SCN8A: variants seen among roughly 807,000 people sequenced by gnomAD.
SCN8A encodes sodium voltage-gated channel alpha subunit 8.
Under a neutral mutation model 184.1 loss-of-function variants are expected in SCN8A, and 30 were observed. The observed-to-expected ratio is 0.16, with a 90% CI of 0.12 to 0.22. The LOEUF is 0.22. SCN8A is among the 10% of genes least tolerant of loss of function. The probability of loss-of-function intolerance (pLI) is 1.00; values close to 1 mark genes in which losing one functional copy is unlikely to be tolerated. For missense variants in SCN8A, 1,057 were observed against 2,498.9 expected (o/e 0.42, Z 12.30); for synonymous variants, 852 against 907.0 (o/e 0.94, Z 1.09).
chr12:51,783,905 C>T (rs1221376692), intron 21 of SCN8A, among the ~76,000 whole-genome samples: 3 of 152,086 alleles, frequency 2.0e-5, no homozygotes, highest in Non-Finnish European at 4.4e-5. Context: ...TATAAACTTC[C>T]ATTGATAAAA....
intron 15 of SCN8A, 46 bp downstream of exon 15, chr12:51,762,722 G>C (rs1414993248): frequency 1.3e-6 from 2 of 1,484,688 alleles, no homozygotes; most frequent in Non-Finnish European, 1.8e-6. Flanking sequence ...CTATCTTGCA[G>C]CTACTAGAAA....
chr12:51,787,287 T>G (rs1268001908), intron 22 of SCN8A, among the ~76,000 whole-genome samples: 1 of 152,154 alleles, frequency 6.6e-6, no homozygotes, highest in Non-Finnish European at 1.5e-5. Flanking sequence ...TCACCTCAGC[T>G]CCACCCCAGA....
intron 14 of SCN8A, among the ~76,000 whole-genome samples, chr12:51,758,854 T>G (rs776822618): frequency 6.6e-6 from 1 of 152,190 alleles, no homozygotes; most frequent in Non-Finnish European, 1.5e-5. Context: ...CACACAGATA[T>G]GTACAGTAGT....
chr12:51,638,739 C>T (rs995617744), intron 1 of SCN8A, among the ~76,000 whole-genome samples: 3 of 152,150 alleles, frequency 2.0e-5, no homozygotes, highest in Non-Finnish European at 4.4e-5. Flanking sequence ...CCCTCCTCAG[C>T]CTCCCAAAGT....
intron 1 of SCN8A, among the ~76,000 whole-genome samples, chr12:51,627,483 G>C (rs925298536): frequency 6.6e-6 from 1 of 152,166 alleles, no homozygotes; most frequent in Non-Finnish European, 1.5e-5. Context: ...CCAGGTTCAA[G>C]GGATTCTCCT....
intron 1 of SCN8A, among the ~76,000 whole-genome samples, chr12:51,636,510 C>T (rs1940321599): frequency 6.6e-6 from 1 of 152,124 alleles, no homozygotes; most frequent in South Asian, 2.1e-4. Context: ...TTGCAGAGAT[C>T]CTAAACTATG....
intron 20 of SCN8A, among the ~76,000 whole-genome samples, chr12:51,777,086 G>A (rs1197113958): frequency 2.6e-5 from 4 of 152,204 alleles, no homozygotes; most frequent in Non-Finnish European, 5.9e-5. Flanking sequence ...AGATCAGCAA[G>A]CCTGTCAGTT....
intron 6 of SCN8A, among the ~76,000 whole-genome samples, chr12:51,697,507 C>G (rs952764083): frequency 6.6e-6 from 1 of 152,152 alleles, no homozygotes; most frequent in African/African-American, 2.4e-5. Context: ...TGATTACTTG[C>G]AAAATACAGC....
intron 14 of SCN8A, among the ~76,000 whole-genome samples, chr12:51,761,946 CAGAA>C (rs751654529): frequency 3.3e-5 from 5 of 150,436 alleles, no homozygotes; most frequent in Non-Finnish European, 7.4e-5. Flanking sequence ...AAAAAAAAAA[CAGAA>C]AGAAAATACA....
chr12:51,623,869 G>T (rs1178413635), intron 1 of SCN8A, among the ~76,000 whole-genome samples: 2 of 152,046 alleles, frequency 1.3e-5, no homozygotes, highest in Non-Finnish European at 2.9e-5. Context: ...GCGGTGTTTG[G>T]TTTTTTGTCC....
Position 51,668,098 on chromosome 12 carries a change from G to A in SCN8A, c.276+5005G>A, listed in dbSNP as rs554357225. ...CTCAGGAGGCTGAGGCAGGAGAATCGCTTGAACCCGGGAGGTGGAGGTTGT... is the reference window on the plus strand; with the variant it reads ...CTCAGGAGGCTGAGGCAGGAGAATCACTTGAACCCGGGAGGTGGAGGTTGT... On this transcript the variant is annotated intron_variant, in intron 2 of 26. Coordinates refer to ENST00000627620, the MANE Select transcript of SCN8A (RefSeq NM_001330260.2). Among the ~76,000 whole-genome samples the A allele has an allele frequency of 8.6e-5, 13 of 151,530 alleles. No individual in the cohort carries two copies. In the South Asian group the frequency reaches 1.9e-3, roughly 22 times the overall value.
In SCN8A at chr12:51,610,598, ATT is replaced by A. The variant is rs1197555946; in HGVS notation, c.-55+19240_-55+19241del. ...TGTACTGGTGGCTTGGTAGTGGCAA[ATT>A]CTCTCAGCATTTGTTTGTCTGAAAA... On this transcript the variant is annotated intron_variant, in intron 1 of 26. Transcript: ENST00000627620. Among the ~76,000 whole-genome samples, 3 of 152,134 alleles carry A rather than the reference ATT, an allele frequency of 2.0e-5. No individual in the cohort carries two copies. The East Asian group carries it at 5.8e-4, about 29-fold the overall frequency.
chr12:51,632,621 G>A (rs1032566021), intron 1 of SCN8A, among the ~76,000 whole-genome samples: 2 of 152,118 alleles, frequency 1.3e-5, no homozygotes, highest in African/African-American at 4.8e-5. Flanking sequence ...GAACCACACT[G>A]TAGTGGTATC....
intron 1 of SCN8A, among the ~76,000 whole-genome samples, chr12:51,625,194 C>T (rs549434126): frequency 1.3e-5 from 2 of 152,310 alleles, no homozygotes; most frequent in South Asian, 4.1e-4. Context: ...TAGTCAAACA[C>T]CTTCCACTGC....
intron 1 of SCN8A, among the ~76,000 whole-genome samples, chr12:51,601,798 C>T (rs1939470041): frequency 6.6e-6 from 1 of 151,742 alleles, no homozygotes; most frequent in African/African-American, 2.4e-5. Context: ...CTTACATGCC[C>T]CACTTGGGCT....
At chr12:51,711,737 G>A (rs1941881108) in intron 11 of SCN8A, among the ~76,000 whole-genome samples, 1 of 136,316 alleles carries the variant, frequency 7.3e-6, no homozygotes, top group African/African-American at 2.7e-5. Flanking sequence ...TAGAAATTTT[G>A]AGATTTTTTT....
At chr12:51,596,528 T>G (rs2138548835) in intron 1 of SCN8A, among the ~76,000 whole-genome samples, 1 of 152,286 alleles carries the variant, frequency 6.6e-6, no homozygotes, top group South Asian at 2.1e-4. Context: ...TGTGAACAAT[T>G]TTGGTTTTAT....
intron 12 of SCN8A, among the ~76,000 whole-genome samples, chr12:51,743,314 A>G (rs1160621692): frequency 6.6e-6 from 1 of 152,080 alleles, no homozygotes; most frequent in Admixed American, 6.5e-5. Flanking sequence ...GGTATTTTTT[A>G]TAGTCTTCGC....
At position 51,807,591 on chromosome 12, in the gene SCN8A, G is replaced by A; in HGVS notation, c.*162G>A. 1.3e-6 allele frequency: 1 copy of A among 762,126 alleles called. No homozygotes were observed. Among genetic ancestry groups the A allele is most frequent in the Non-Finnish European group, 2.1e-6 (1 of 469,650 alleles). The allele number at this position is 762,126 out of a possible 1,614,324, so 47.2% of individuals were successfully genotyped here. Reference sequence around the variant, plus strand: ...ACCACGTAACACAGCTGCATCTTGAGCAGTGACCTGCCAAGGGCAAAGGAC... The same window carrying A: ...ACCACGTAACACAGCTGCATCTTGAACAGTGACCTGCCAAGGGCAAAGGAC... On this transcript the variant is annotated 3_prime_UTR_variant, in exon 27 of 27. Transcript: ENST00000627620. This position sits in a 1 kb window ranked among gnomAD's most constrained non-coding sequence, Gnocchi z 4.5.
Sources: allele counts gnomAD v4.1 joint callset (sites outside exome capture counted in the v4.1 genomes callset), GRCh38; gene constraint gnomAD v4.1.1; non-coding constraint Gnocchi (gnomAD v3.1); transcripts MANE v1.5; gene names NCBI Gene and HGNC (gene_info 2026-07-23, HGNC 2026-07-21).